Variants in EEF1AKMT1 observed in about 807,000 individuals in gnomAD.
The protein encoded by EEF1AKMT1 is N-6 adenine-specific DNA methyltransferase 2 (putative).
Under a neutral mutation model 21.0 loss-of-function variants are expected in EEF1AKMT1, and 18 were observed. The observed-to-expected ratio is 0.86, with a 90% confidence interval of 0.59 to 1.27. EEF1AKMT1 has a LOEUF of 1.27. EEF1AKMT1 is among the 50% of genes most tolerant of loss of function. The pLI, the probability that EEF1AKMT1 is intolerant of heterozygous loss-of-function variation, is 0.00. For missense variants in EEF1AKMT1, 246 were observed against 258.6 expected (o/e 0.95, Z 0.33); for synonymous variants, 109 against 94.8 (o/e 1.15, Z -0.87).
rs988341741 is a variant in EEF1AKMT1 at position 20,749,010 on chromosome 13, G to A, written c.144+8445C>T. ...TCTCAAAGTGGGTAGAATTACAGGCGTGAGCCATCGTGCCCAGCCCCAATG... is the reference window on the plus strand; with the variant it reads ...TCTCAAAGTGGGTAGAATTACAGGCATGAGCCATCGTGCCCAGCCCCAATG... On this transcript the variant is annotated intron_variant, in intron 2 of 4. Transcript: ENST00000382758. Among the ~76,000 whole-genome samples, 8 of 152,152 alleles carry A rather than the reference G, an allele frequency of 5.3e-5. No homozygotes were observed. The South Asian group carries it at 6.2e-4, about 12-fold the overall frequency.
chr13:20,759,944 C>T (rs4536320), intron 1 of EEF1AKMT1, among the ~76,000 whole-genome samples: 123,697 of 151,768 alleles, frequency 0.82, 50,781 homozygotes, highest in East Asian at 1. Flanking sequence ...CTCTACTAAA[C>T]ATACAAAAAA....
chr13:20,765,343 G>A (rs1005657181), intron 1 of EEF1AKMT1, among the ~76,000 whole-genome samples: 12 of 137,742 alleles, frequency 8.7e-5, no homozygotes, highest in Admixed American at 6.0e-4. Context: ...TACACTTAAT[G>A]TTATTATTGA....
chr13:20,773,382 C>A (rs1250200268), intron 1 of EEF1AKMT1, among the ~76,000 whole-genome samples: 1 of 152,194 alleles, frequency 6.6e-6, no homozygotes, highest in Non-Finnish European at 1.5e-5. Flanking sequence ...AAGCCGCCCG[C>A]GTCCTAGTCT....
At chr13:20,762,175 CTTT>C (rs57340074) in intron 1 of EEF1AKMT1, among the ~76,000 whole-genome samples, 29,318 of 131,160 alleles carry the variant, frequency 0.22, 4,066 homozygotes, top group East Asian at 0.71. Context: ...TTTCATCAGT[CTTT>C]TTTTTTTTTT....
chr13:20,742,303 C>A (rs1437822246), intron 2 of EEF1AKMT1, among the ~76,000 whole-genome samples: 1 of 151,606 alleles, frequency 6.6e-6, no homozygotes, highest in Non-Finnish European at 1.5e-5. Flanking sequence ...TAATTTTCCA[C>A]TGGGTTTACT....
intron 2 of EEF1AKMT1, among the ~76,000 whole-genome samples, chr13:20,742,569 G>A (rs1302195730): frequency 6.6e-6 from 1 of 152,164 alleles, no homozygotes. Context: ...GACCATGAAT[G>A]TCTCTTTCCC....
At position 20,746,799 on chromosome 13, in the gene EEF1AKMT1, T is replaced by C. The variant is rs183392367; in HGVS notation, c.145-8994A>G. Among the ~76,000 whole-genome samples, 25 of 152,344 alleles carry C rather than the reference T, an allele frequency of 1.6e-4. No individual in the cohort carries two copies. The East Asian group carries it at 4.0e-3, about 25-fold the overall frequency. ...AAATGAAAAGGAATAAGAATGACAG[T>C]AACAAACAAGATTTCACCACTGAGC... On this transcript the variant is annotated intron_variant, in intron 2 of 4. Coordinates refer to ENST00000382758, the MANE Select transcript of EEF1AKMT1 (RefSeq NM_001318939.2).
intron 1 of EEF1AKMT1, 148 bp from the exon 2 acceptor site, chr13:20,757,765 A>G: frequency 1.6e-6 from 1 of 642,336 alleles, no homozygotes; most frequent in African/African-American, 1.8e-5. Context: ...TAAGCCCCCC[A>G]GCCAACTGAA....
chr13:20,731,875 C>G lies in EEF1AKMT1; in HGVS notation c.474G>C (p.Lys158Asn). 1 of 1,614,132 alleles carries G rather than the reference C, an allele frequency of 6.2e-7. No homozygotes were observed. Among genetic ancestry groups the G allele is most frequent in the Non-Finnish European group, 8.5e-7 (1 of 1,180,012 alleles). Residue 158 changes from lysine to asparagine, a missense_variant, in exon 4 of 5, where the codon AAG (lysine) becomes AAC (asparagine). Coordinates refer to ENST00000382758, the MANE Select transcript of EEF1AKMT1 (RefSeq NM_001318939.2). ...ECLRKTSETV[K>N]YLTRGKILLC... ...GCAGAATCTTGCCCCGCGTCAGGTACTTGACGGTTTCCGATGTTTTTCTGA... is the reference window on the plus strand; with the variant it reads ...GCAGAATCTTGCCCCGCGTCAGGTAGTTGACGGTTTCCGATGTTTTTCTGA...
At chr13:20,772,865 T>C (rs1328858140) in intron 1 of EEF1AKMT1, among the ~76,000 whole-genome samples, 1 of 152,188 alleles carries the variant, frequency 6.6e-6, no homozygotes, top group African/African-American at 2.4e-5. Flanking sequence ...ACCACCATAC[T>C]GTAATTTCAA....
Position 20,732,068 on chromosome 13 carries a change from C to G in EEF1AKMT1, c.281G>C (p.Arg94Thr), listed in dbSNP as rs771982207. The change falls in exon 4 of 5, where the codon AGA becomes ACA. Residue 94 changes from arginine to threonine, a missense_variant. Coordinates refer to ENST00000382758, the MANE Select transcript of EEF1AKMT1 (RefSeq NM_001318939.2). ...AAAGATGTATATCGAAAAGTTTTCT[C>G]TGCACAGCTCTCTGAGTTTCTGGTA... is the stretch of plus-strand genomic sequence containing the variant. ...SVYQKLRELC[R>T]ENFSIYIFEY... The G allele has an allele frequency of 2.4e-5, 39 of 1,614,070 alleles. 1 individual carries two copies. The South Asian group carries it at 4.2e-4, about 17-fold the overall frequency.
intron 3 of EEF1AKMT1, among the ~76,000 whole-genome samples, chr13:20,735,443 T>C (rs1003408002): frequency 2.6e-5 from 4 of 152,098 alleles, no homozygotes; most frequent in Admixed American, 6.6e-5. Flanking sequence ...ATTAGGAGGA[T>C]TAAGTTAAAC....
chr13:20,770,730 G>A (rs1271912423), intron 1 of EEF1AKMT1, among the ~76,000 whole-genome samples: 1 of 152,040 alleles, frequency 6.6e-6, no homozygotes, highest in Non-Finnish European at 1.5e-5. Flanking sequence ...AAATCGAAGA[G>A]TACAAGTTCC....
At chr13:20,758,777 C>T (rs1332092349) in intron 1 of EEF1AKMT1, among the ~76,000 whole-genome samples, 1 of 152,108 alleles carries the variant, frequency 6.6e-6, no homozygotes, top group Non-Finnish European at 1.5e-5. Flanking sequence ...AACTATACTA[C>T]AAGGCTATAA....
At chr13:20,734,034 T>C (rs1209579181) in intron 3 of EEF1AKMT1, among the ~76,000 whole-genome samples, 2 of 152,148 alleles carry the variant, frequency 1.3e-5, no homozygotes, top group Non-Finnish European at 2.9e-5. Flanking sequence ...CAACTCTCCC[T>C]GCACAGCAGC....
chr13:20,771,899 T>C (rs2059064541), intron 1 of EEF1AKMT1, among the ~76,000 whole-genome samples: 1 of 151,894 alleles, frequency 6.6e-6, no homozygotes, highest in Non-Finnish European at 1.5e-5. Context: ...TAGCGCCAGC[T>C]ACTCAGGAGG....
intron 1 of EEF1AKMT1, among the ~76,000 whole-genome samples, chr13:20,761,688 C>T (rs1487141054): frequency 6.6e-6 from 1 of 152,024 alleles, no homozygotes; most frequent in Non-Finnish European, 1.5e-5. Flanking sequence ...GAACTGAATC[C>T]CTGTACTATG....
At chr13:20,761,622 G>A (rs1465932405) in intron 1 of EEF1AKMT1, among the ~76,000 whole-genome samples, 1 of 152,062 alleles carries the variant, frequency 6.6e-6, no homozygotes, top group Non-Finnish European at 1.5e-5. Flanking sequence ...TTATTTTGAG[G>A]ACATCAAAAA....
chr13:20,740,010 C>T (rs763323654), intron 2 of EEF1AKMT1, among the ~76,000 whole-genome samples: 7 of 152,198 alleles, frequency 4.6e-5, no homozygotes, highest in South Asian at 2.1e-4. Context: ...GCTCAGGCTG[C>T]GCGGGAGCCC....
Sources: allele counts gnomAD v4.1 joint callset (sites outside exome capture counted in the v4.1 genomes callset), GRCh38; gene constraint gnomAD v4.1.1; transcripts MANE v1.5; gene names NCBI Gene and HGNC (gene_info 2026-07-23, HGNC 2026-07-21).